TANC1: variants seen among roughly 807,000 people sequenced by gnomAD.
The protein encoded by TANC1 is tetratricopeptide repeat, ankyrin repeat and coiled-coil containing 1.
A neutral mutation model predicts 149.7 loss-of-function variants in TANC1; 77 were observed. The ratio of observed to expected loss-of-function variants is 0.51; its 90% CI spans 0.43 to 0.62. The LOEUF (loss-of-function observed/expected upper bound fraction) is 0.62. Among genes scored for constraint, TANC1 ranks in the 20% least tolerant of loss-of-function variants. The pLI is 0.00. For synonymous variants in TANC1, 854 were observed against 925.0 expected, an observed-to-expected ratio of 0.92 and a Z score of 1.39; for missense variants, 1,985 against 2,321.8, an observed-to-expected ratio of 0.85 and a Z score of 2.98.
chr2:158,996,741 G>A (rs963134310), intron 1 of TANC1, among the ~76,000 whole-genome samples: 2 of 152,148 alleles, frequency 1.3e-5, no homozygotes, highest in African/African-American at 4.8e-5. Context: ...TCGTGGTCCA[G>A]AACTGAGCTA....
At chr2:159,007,368 A>T (rs1193528073) in intron 2 of TANC1, among the ~76,000 whole-genome samples, 1 of 151,464 alleles carries the variant, frequency 6.6e-6, no homozygotes, top group Non-Finnish European at 1.5e-5. Context: ...CTGGTCTTGA[A>T]CTCCTGACCT....
intron 4 of TANC1, among the ~76,000 whole-genome samples, chr2:159,114,475 A>G (rs1026736534): frequency 6.6e-6 from 1 of 151,988 alleles, no homozygotes; most frequent in East Asian, 1.9e-4. Context: ...AGGTGGGGGG[A>G]AACATCTTAA....
intron 2 of TANC1, among the ~76,000 whole-genome samples, chr2:159,002,742 T>G (rs1253404259): frequency 6.6e-6 from 1 of 152,244 alleles, no homozygotes; most frequent in Non-Finnish European, 1.5e-5. Flanking sequence ...CAGGATTCTT[T>G]TACTGTCTTG....
chr2:159,170,313 C>T (rs922219870), intron 9 of TANC1, among the ~76,000 whole-genome samples: 1 of 152,126 alleles, frequency 6.6e-6, no homozygotes, highest in East Asian at 1.9e-4. Context: ...CAATAGGACA[C>T]TCTAGTTTCC....
intron 22 of TANC1, among the ~76,000 whole-genome samples, chr2:159,221,578 T>G (rs2150950072): frequency 6.6e-6 from 1 of 152,270 alleles, no homozygotes; most frequent in African/African-American, 2.4e-5. Flanking sequence ...CACATATAAG[T>G]GAGATCATGC....
chr2:158,981,160 T>G, intron 1 of TANC1, among the ~76,000 whole-genome samples: 1 of 152,022 alleles, frequency 6.6e-6, no homozygotes, highest in Non-Finnish European at 1.5e-5. Flanking sequence ...CATTTAAGTT[T>G]AGCAATTCAG....
chr2:158,975,033 G>A (rs1204259824), intron 1 of TANC1, among the ~76,000 whole-genome samples: 1 of 150,240 alleles, frequency 6.7e-6, no homozygotes, highest in Non-Finnish European at 1.5e-5. Flanking sequence ...TTACAGGCAT[G>A]AGCCAACCCC....
intron 3 of TANC1, among the ~76,000 whole-genome samples, chr2:159,072,747 C>T (rs1249160668): frequency 1.3e-5 from 2 of 151,916 alleles, no homozygotes. Flanking sequence ...GCACATGTAC[C>T]CTAAAACTTA....
At chr2:159,172,050 C>T in intron 10 of TANC1, 71 bp from the exon 11 acceptor site, 1 of 1,468,390 alleles carries the variant, frequency 6.8e-7, no homozygotes. Context: ...TGGCACAAAT[C>T]AAGAAATATA....
rs368646663 is a variant in TANC1 at position 159,163,560 on chromosome 2, T to C, written c.946+14T>C. 2 of 1,604,186 alleles carry C rather than the reference T, an allele frequency of 1.2e-6. No individual in the cohort carries two copies. The highest frequency in any genetic ancestry group is 1.7e-6 in the Non-Finnish European group (2 of 1,174,382). ...ACTCAGTTGCAGGTAAGGCCACACC[T>C]TTCCCTGGAAGGATTATCTCAGGGA... On this transcript the variant is annotated intron_variant, in intron 8 of 26. Transcript: ENST00000263635.
At chr2:159,020,677 T>C (rs1448139317) in intron 2 of TANC1, among the ~76,000 whole-genome samples, 2 of 152,214 alleles carry the variant, frequency 1.3e-5, no homozygotes, top group Admixed American at 1.3e-4. Flanking sequence ...GGCTTGAACA[T>C]ATCTAATACA....
intron 7 of TANC1, among the ~76,000 whole-genome samples, chr2:159,163,065 C>A (rs1439429565): frequency 1.3e-5 from 2 of 152,182 alleles, no homozygotes; most frequent in African/African-American, 4.8e-5. Flanking sequence ...GTTTCTCCCT[C>A]GCTCCTCTTC....
intron 26 of TANC1, among the ~76,000 whole-genome samples, chr2:159,229,323 G>A (rs895524100): frequency 1.3e-5 from 2 of 152,104 alleles, no homozygotes; most frequent in Admixed American, 6.6e-5. Flanking sequence ...ACTGATTCAT[G>A]CTTCTCCCTA....
chr2:159,044,053 AG>A (rs1174881130), intron 2 of TANC1, among the ~76,000 whole-genome samples: 1 of 152,112 alleles, frequency 6.6e-6, no homozygotes, highest in Non-Finnish European at 1.5e-5. Context: ...AGGATTTTCT[AG>A]TTGTGTGGCT....
chr2:158,992,949 C>G (rs1296842917), intron 1 of TANC1, among the ~76,000 whole-genome samples: 2 of 148,022 alleles, frequency 1.4e-5, no homozygotes, highest in African/African-American at 4.9e-5. Flanking sequence ...CTCGTGTGTT[C>G]TCCATCACAG....
intron 3 of TANC1, among the ~76,000 whole-genome samples, chr2:159,073,588 CA>C (rs1295534201): frequency 6.6e-6 from 1 of 152,196 alleles, no homozygotes; most frequent in African/African-American, 2.4e-5. Context: ...GGCAAATGAG[CA>C]ATTCCGAGTT....
chr2:159,041,078 G>A lies in TANC1; in HGVS notation c.-15-24818G>A, dbSNP rs1467162205. 2.0e-5 allele frequency among the ~76,000 whole-genome samples: 3 copies of A among 152,280 alleles called. No individual in the cohort carries two copies. In the East Asian group the frequency reaches 5.8e-4, roughly 29 times the overall value. On this transcript the variant is annotated intron_variant, in intron 2 of 26. Coordinates refer to ENST00000263635, the MANE Select transcript of TANC1 (RefSeq NM_033394.3). ...TTCACTACAGACCCTGTTTGCCTGG[G>A]TATCACCAGCAGAGGCTGCAGAACA...
At chr2:159,068,330 A>G (rs1436535951) in intron 3 of TANC1, among the ~76,000 whole-genome samples, 1 of 152,200 alleles carries the variant, frequency 6.6e-6, no homozygotes. Context: ...ATATGGAAAA[A>G]TTTTGCTGTA....
intron 5 of TANC1, among the ~76,000 whole-genome samples, chr2:159,137,606 G>A (rs1460904025): frequency 6.6e-6 from 1 of 152,196 alleles, no homozygotes; most frequent in Non-Finnish European, 1.5e-5. Flanking sequence ...TGGTACATGA[G>A]GCCTCTCTTG....
Sources: gnomAD v4.1 joint callset for allele counts (sites outside exome capture counted in the v4.1 genomes callset) on GRCh38, gnomAD v4.1.1 for gene constraint, MANE v1.5 for transcripts, NCBI Gene and HGNC (gene_info 2026-07-23, HGNC 2026-07-21) for gene names.